The following PPARD variants were observed in gnomAD, a reference collection of about 807,000 sequenced individuals.
PPARD encodes the protein peroxisome proliferator activated receptor delta, also known as peroxisome proliferator-activated receptor delta.
Under a neutral mutation model 39.5 loss-of-function variants are expected in PPARD, and 6 were observed. That is an observed-to-expected ratio of 0.15 (90% CI 0.08 to 0.30). The LOEUF (loss-of-function observed/expected upper bound fraction) is 0.30, where lower values mean the gene tolerates loss of function less well. Ranked by LOEUF, PPARD falls within the 10% of genes least tolerant of loss-of-function variation. The probability of loss-of-function intolerance (pLI) is 1.00; values close to 1 mark genes in which losing one functional copy is unlikely to be tolerated. For synonymous variants in PPARD, 210 were observed against 231.3 expected (o/e 0.91, Z 0.83); for missense variants, 397 against 596.8 (o/e 0.67, Z 3.49).
Position 35,426,186 on chromosome 6 carries a change from C to G in PPARD, c.*107C>G, listed in dbSNP as rs201930268. ...CCCTTGAGCACCCGGCCTGGAGCAG[C>G]AGAGTCCCACGATCGCCCTCAGACA... is the stretch of plus-strand genomic sequence containing the variant. On this transcript the variant is annotated 3_prime_UTR_variant, in exon 8 of 8. Coordinates refer to ENST00000360694, the MANE Select transcript of PPARD (RefSeq NM_006238.5). The G allele has an allele frequency of 2.8e-6, 4 of 1,452,640 alleles. No individual in the cohort carries two copies. Among genetic ancestry groups the G allele is most frequent in the Non-Finnish European group, 3.7e-6 (4 of 1,087,800 alleles). 90.0% of individuals were successfully genotyped at this position (1,452,640 alleles called of 1,614,324 possible).
At chr6:35,394,492 C>T (rs1048587239) in intron 2 of PPARD, among the ~76,000 whole-genome samples, 4 of 152,008 alleles carry the variant, frequency 2.6e-5, no homozygotes, top group Admixed American at 6.6e-5. Flanking sequence ...GATAAGCAGC[C>T]GGGCATGATG....
At chr6:35,394,738 T>C (rs1335949961) in intron 2 of PPARD, among the ~76,000 whole-genome samples, 1 of 142,406 alleles carries the variant, frequency 7.0e-6, no homozygotes, top group Non-Finnish European at 1.5e-5. Context: ...GCCACTGTAC[T>C]CCAACCTACG....
Position 35,425,858 on chromosome 6 carries a change from C to G in PPARD, c.1105C>G (p.Arg369Gly). 1 of 1,614,044 alleles carries G rather than the reference C, an allele frequency of 6.2e-7. No homozygotes were observed. The highest frequency in any genetic ancestry group is 1.1e-5 in the South Asian group (1 of 91,082). Reference protein sequence around the residue: ...GDRPGLMNVPRVEAIQDTILR... With the variant: ...GDRPGLMNVPGVEAIQDTILR... The stretch of plus-strand genomic sequence containing the variant: ...CCGGCCAGGCCTCATGAACGTTCCA[C>G]GGGTGGAGGCTATCCAGGACACCAT... Residue 369 changes from arginine to glycine, a missense_variant, in exon 8 of 8, where the codon CGG becomes GGG. Transcript: ENST00000360694. This position sits in a 1 kb window ranked among gnomAD's most constrained non-coding sequence, Gnocchi z 4.5.
intron 3 of PPARD, among the ~76,000 whole-genome samples, chr6:35,416,404 A>C (rs923967943): frequency 4.4e-4 from 58 of 131,204 alleles, no homozygotes; most frequent in African/African-American, 4.9e-4. Context: ...AAAAAAAAAA[A>C]AAAAAACACC....
intron 2 of PPARD, chr6:35,397,469 G>A (rs1443975636): frequency 2.8e-5 from 25 of 905,914 alleles, no homozygotes; most frequent in Non-Finnish European, 3.3e-5. Flanking sequence ...ACCAATTTAT[G>A]CTCATCTTGA....
Position 35,421,965 on chromosome 6 carries a change from G to A in PPARD, c.424+7G>A. 1.9e-6 allele frequency: 3 copies of A among 1,597,316 alleles called. No homozygotes were observed. The highest frequency in any genetic ancestry group is 2.6e-6 in the Non-Finnish European group (3 of 1,170,052). ...CTGGGCATGTCACACAACGGTGAGA[G>A]CTGACCAGGGCAACTCACGGGCTGC... is the stretch of plus-strand genomic sequence containing the variant. On this transcript the variant is annotated splice_region_variant and intron_variant, in intron 5 of 7. Transcript: ENST00000360694.
At chr6:35,367,670 C>T (rs1436176806) in intron 2 of PPARD, among the ~76,000 whole-genome samples, 2 of 152,226 alleles carry the variant, frequency 1.3e-5, no homozygotes, top group Non-Finnish European at 2.9e-5. Flanking sequence ...CACATGATGT[C>T]GGCCAAGCTT....
chr6:35,413,834 C>G (rs904895313), intron 3 of PPARD, among the ~76,000 whole-genome samples: 1 of 152,096 alleles, frequency 6.6e-6, no homozygotes, highest in Non-Finnish European at 1.5e-5. Flanking sequence ...CAGGCGTGCA[C>G]CACCGTGCCT....
intron 3 of PPARD, among the ~76,000 whole-genome samples, chr6:35,416,554 G>A (rs1191784481): frequency 6.6e-6 from 1 of 152,116 alleles, no homozygotes; most frequent in East Asian, 1.9e-4. Context: ...TAAAGTGGGG[G>A]TAAGAAGACC....
rs551946022 is a variant in PPARD, at chr6:35,365,130, C to CTTTTTTTTTT, written c.-102+17991_-102+18000dup. On this transcript the variant is annotated intron_variant, in intron 2 of 7. Transcript: ENST00000360694. ...ACCAGACATGTAGAGCTTCCTTATT[C>CTTTTTTTTTT]TTTTTTTTTTTTTTTTTTTTGAGAT... is the stretch of plus-strand genomic sequence containing the variant. Among the ~76,000 whole-genome samples, 277 of 121,032 alleles carry CTTTTTTTTTT rather than the reference C, an allele frequency of 2.3e-3. 10 individuals carry two copies. The highest frequency in any genetic ancestry group is 4.1e-3 in the African/African-American group (120 of 29,050). 79.4% of individuals were successfully genotyped at this position (121,032 alleles called of 152,430 possible). A position where few individuals can be genotyped will look rare whatever the true frequency, so the allele number is the denominator to read the frequency against.
chr6:35,388,360 G>A (rs6940708), intron 2 of PPARD, among the ~76,000 whole-genome samples: 4,247 of 152,206 alleles, frequency 0.028, 167 homozygotes, highest in African/African-American at 0.082. Flanking sequence ...CACGTGCCGC[G>A]GGGGCAGGAA....
intron 2 of PPARD, among the ~76,000 whole-genome samples, chr6:35,351,233 G>A (rs1034344684): frequency 6.6e-6 from 1 of 151,832 alleles, no homozygotes; most frequent in African/African-American, 2.4e-5. Flanking sequence ...CACCATGTTA[G>A]CCAGGATGGT....
intron 2 of PPARD, among the ~76,000 whole-genome samples, chr6:35,374,412 C>G (rs1347055776): frequency 1.3e-5 from 2 of 151,884 alleles, no homozygotes; most frequent in Admixed American, 1.3e-4. Flanking sequence ...AATCCCAGCA[C>G]TTTGGGAGGC....
At chr6:35,348,449 T>C in intron 2 of PPARD, 1 of 985,382 alleles carries the variant, frequency 1.0e-6, no homozygotes, top group Non-Finnish European at 1.2e-6. Context: ...GCAGGTTTTA[T>C]AAACTCTCAG....
chr6:35,362,458 T>C (rs1761978672), intron 2 of PPARD, among the ~76,000 whole-genome samples: 2 of 151,664 alleles, frequency 1.3e-5, no homozygotes, highest in African/African-American at 2.4e-5. Context: ...TTTTTTTTTT[T>C]CCTTCCATAC....
At chr6:35,410,926 G>A (rs1476381296) in intron 2 of PPARD, 61 bp from the exon 3 acceptor site, 5 of 1,254,034 alleles carry the variant, frequency 4.0e-6, no homozygotes, top group South Asian at 3.7e-5. Flanking sequence ...TGCCCCACTC[G>A]CACCATCCTC....
chr6:35,397,224 C>G (rs1488502500), intron 2 of PPARD, among the ~76,000 whole-genome samples: 2 of 138,054 alleles, frequency 1.4e-5, no homozygotes, highest in Non-Finnish European at 3.0e-5. Flanking sequence ...GTCAGGGAGG[C>G]CTCCCTCCAC....
At chr6:35,356,236 T>C (rs577300140) in intron 2 of PPARD, among the ~76,000 whole-genome samples, 1 of 152,334 alleles carries the variant, frequency 6.6e-6, no homozygotes, top group East Asian at 1.9e-4. Context: ...TAGGACCACT[T>C]GATCCTTATC....
At chr6:35,422,573 G>A (rs1372695278) in intron 5 of PPARD, among the ~76,000 whole-genome samples, 1 of 152,012 alleles carries the variant, frequency 6.6e-6, no homozygotes, top group African/African-American at 2.4e-5. Context: ...GACCCCTAGA[G>A]GACAGGGGAG....
Sources: allele counts gnomAD v4.1 joint callset (sites outside exome capture counted in the v4.1 genomes callset), GRCh38; gene constraint gnomAD v4.1.1; non-coding constraint Gnocchi (gnomAD v3.1); transcripts MANE v1.5; gene names NCBI Gene and HGNC (gene_info 2026-07-23, HGNC 2026-07-21).